Variants in PRAG1 observed in about 807,000 individuals in gnomAD.
The protein encoded by PRAG1 is inactive tyrosine-protein kinase PRAG1.
PRAG1 carries 110 observed loss-of-function variants against 95.6 expected under a neutral mutation model. That is an observed-to-expected ratio of 1.15 (90% confidence interval 0.99 to 1.35). The LOEUF (loss-of-function observed/expected upper bound fraction) is 1.35, where lower values mean the gene tolerates loss of function less well. PRAG1 is among the 40% of genes most tolerant of loss of function. PRAG1 has a pLI of 0.00. For missense variants in PRAG1, 2,554 were observed against 1,864.7 expected, an observed-to-expected ratio of 1.37 and a Z score of -6.81; for synonymous variants, 1,052 against 819.4, an observed-to-expected ratio of 1.28 and a Z score of -4.85.
rs769767729 is a variant in PRAG1, at chr8:8,381,441, T to C, written c.307A>G (p.Asn103Asp). The change falls in exon 2 of 6, where the codon AAC becomes GAC. Residue 103 changes from asparagine (N) to aspartate (D), a missense_variant. Coordinates refer to ENST00000615670, the MANE Select transcript of PRAG1 (RefSeq NM_001080826.3). ...ACCTGCGAGACTTCGGCACTCAGGT[T>C]GGCCTCTGTCCACACATCAGAGGCC... The part of the protein sequence containing the change: ...SEASDVWTEA[N>D]LSAEVSQVIW... 9.3e-6 allele frequency: 15 copies of C among 1,609,962 alleles called. No individual in the cohort carries two copies. In the South Asian group the frequency reaches 1.6e-4, roughly 18 times the overall value.
At chr8:8,374,568 G>A in intron 3 of PRAG1, 1 of 801,992 alleles carries the variant, frequency 1.2e-6, no homozygotes, top group Non-Finnish European at 1.5e-6. Context: ...GGGCTGTTCT[G>A]AGGATGAAAT....
intron 5 of PRAG1, among the ~76,000 whole-genome samples, chr8:8,320,431 CAG>C (rs1299963815): frequency 6.6e-6 from 1 of 152,152 alleles, no homozygotes; most frequent in African/African-American, 2.4e-5. Context: ...ATGGCAGTGC[CAG>C]CCACCTGGGG....
chr8:8,352,099 C>T (rs1179121703), intron 3 of PRAG1, among the ~76,000 whole-genome samples: 2 of 152,162 alleles, frequency 1.3e-5, no homozygotes, highest in Non-Finnish European at 2.9e-5. Context: ...TTTGTTGAAC[C>T]AGCTTCAGTG....
At position 8,318,669 on chromosome 8, in the gene PRAG1, G is replaced by A. The variant is rs768621356; in HGVS notation, c.3706C>T (p.Gln1236Ter). ...ACGATCTCGGGGGCCAGCCGGGCCT[G>A]GCTCTTCTTCTGCTGCAGGTTTGGG... ...GTPNLQQKKS[Q>*]ARLAPEIVSA... The change falls in exon 6 of 6, where the codon CAG (glutamine) becomes TAG (stop). Residue 1236 changes from glutamine (Q) to a stop codon, truncating the protein, a stop_gained. Transcript: ENST00000615670. LOFTEE classifies it high-confidence loss of function. This position sits in a 1 kb window ranked among gnomAD's most constrained non-coding sequence, Gnocchi z 4.2. The A allele has an allele frequency of 8.1e-6, 13 of 1,611,610 alleles. No homozygotes were observed. Among genetic ancestry groups the A allele is most frequent in the Non-Finnish European group, 1.0e-5 (12 of 1,179,816 alleles).
At chr8:8,382,353 G>A (rs1333544473) in intron 1 of PRAG1, among the ~76,000 whole-genome samples, 2 of 152,216 alleles carry the variant, frequency 1.3e-5, no homozygotes, top group Non-Finnish European at 2.9e-5. Context: ...AAGGTGCATT[G>A]TAATCCACAC....
rs1347358587 is a variant in PRAG1, at chr8:8,376,471, C to T, written c.1938G>A (p.Glu646=). 7 of 1,613,916 alleles carry T rather than the reference C, an allele frequency of 4.3e-6. No individual in the cohort carries two copies. The highest frequency in any genetic ancestry group is 5.9e-6 in the Non-Finnish European group (7 of 1,179,848). The change falls in exon 3 of 6, where the codon GAG becomes GAA. Residue 646 remains glutamate (E), a synonymous_variant. Coordinates refer to ENST00000615670, the MANE Select transcript of PRAG1 (RefSeq NM_001080826.3). ...CCCAGCTGTGACTCAGCAATTCCTG[C>T]TCCACCTCCTCTTCTTCCTCTATCC... is the stretch of plus-strand genomic sequence containing the variant. ...QCRIEEEEEV[E]QELLSHSWGR...
intron 3 of PRAG1, among the ~76,000 whole-genome samples, chr8:8,358,294 C>G (rs531953122): frequency 3.3e-5 from 5 of 152,304 alleles, no homozygotes; most frequent in African/African-American, 9.6e-5. Context: ...CCCTCTCTGA[C>G]AAACCACCCT....
intron 1 of PRAG1, among the ~76,000 whole-genome samples, chr8:8,382,608 A>T (rs1800719651): frequency 6.6e-6 from 1 of 152,248 alleles, no homozygotes; most frequent in Non-Finnish European, 1.5e-5. Context: ...AGATTAACGA[A>T]GAGCTATTTC....
intron 3 of PRAG1, among the ~76,000 whole-genome samples, chr8:8,363,619 G>T (rs559764053): frequency 6.6e-6 from 1 of 152,278 alleles, no homozygotes; most frequent in South Asian, 2.1e-4. Context: ...AAAATGAAAA[G>T]ACTTCCCTGG....
chr8:8,359,334 C>G (rs1050237318), intron 3 of PRAG1, among the ~76,000 whole-genome samples: 4 of 151,962 alleles, frequency 2.6e-5, no homozygotes, highest in Non-Finnish European at 5.9e-5. Flanking sequence ...AATCTTATTA[C>G]TAATTCCCAG....
At chr8:8,355,642 GT>G (rs1453016387) in intron 3 of PRAG1, among the ~76,000 whole-genome samples, 1 of 152,108 alleles carries the variant, frequency 6.6e-6, no homozygotes, top group Non-Finnish European at 1.5e-5. Context: ...TGGTCAACTA[GT>G]TTTTGACAAG....
At chr8:8,343,419 G>A (rs1799233762) in intron 3 of PRAG1, among the ~76,000 whole-genome samples, 1 of 152,182 alleles carries the variant, frequency 6.6e-6, no homozygotes. Flanking sequence ...AGTAATGAAT[G>A]AATGGCTAAG....
At chr8:8,328,958 T>A (rs1487506457) in intron 4 of PRAG1, among the ~76,000 whole-genome samples, 1 of 152,216 alleles carries the variant, frequency 6.6e-6, no homozygotes, top group African/African-American at 2.4e-5. Flanking sequence ...AATTTAACCA[T>A]CCCTTTTTGA....
At chr8:8,319,331 G>A (rs777918011) in intron 5 of PRAG1, 29 bp from the exon 6 acceptor site, 24 of 1,484,714 alleles carry the variant, frequency 1.6e-5, no homozygotes, top group African/African-American at 2.8e-5. Context: ...GTGAAATCAA[G>A]AGTGGGGCCC....
chr8:8,345,651 C>T (rs1486930704), intron 3 of PRAG1, among the ~76,000 whole-genome samples: 1 of 152,050 alleles, frequency 6.6e-6, no homozygotes, highest in African/African-American at 2.4e-5. Context: ...AAAAATTAGC[C>T]AAGCACGGTG....
intron 5 of PRAG1, among the ~76,000 whole-genome samples, chr8:8,323,309 T>C (rs1224134964): frequency 1.4e-5 from 2 of 142,836 alleles, no homozygotes; most frequent in Non-Finnish European, 3.0e-5. Flanking sequence ...TAAGGGGTTT[T>C]CTTTTCCCTC....
At chr8:8,366,946 T>A (rs2116906425) in intron 3 of PRAG1, among the ~76,000 whole-genome samples, 1 of 152,260 alleles carries the variant, frequency 6.6e-6, no homozygotes, top group Non-Finnish European at 1.5e-5. Context: ...TGGCTAGGAT[T>A]ACAGGTATGA....
At chr8:8,337,061 G>A (rs556854581) in intron 4 of PRAG1, among the ~76,000 whole-genome samples, 84 of 152,276 alleles carry the variant, frequency 5.5e-4, no homozygotes, top group African/African-American at 1.9e-3. Flanking sequence ...TACTGTGGAT[G>A]GAAAAAGTCA....
chr8:8,382,422 T>A (rs1273734380), intron 1 of PRAG1, among the ~76,000 whole-genome samples: 1 of 152,168 alleles, frequency 6.6e-6, no homozygotes, highest in Non-Finnish European at 1.5e-5. Flanking sequence ...TGCTGGCCTG[T>A]CCTCTAGACC....
Sources: allele counts gnomAD v4.1 joint callset (sites outside exome capture counted in the v4.1 genomes callset), GRCh38; gene constraint gnomAD v4.1.1; non-coding constraint Gnocchi (gnomAD v3.1); transcripts MANE v1.5; gene names NCBI Gene and HGNC (gene_info 2026-07-23, HGNC 2026-07-21).